Variants in ETFA observed in about 807,000 individuals in gnomAD.
ETFA encodes electron transfer flavoprotein subunit alpha.
In ETFA, 22 loss-of-function variants were observed where a neutral mutation model predicts 46.2. That is an observed-to-expected ratio of 0.48 (90% CI 0.34 to 0.68). The LOEUF (loss-of-function observed/expected upper bound fraction) is 0.68, where lower values mean the gene tolerates loss of function less well. Among genes scored for constraint, ETFA ranks in the 30% least tolerant of loss-of-function variants. The pLI, the probability that ETFA is intolerant of heterozygous loss-of-function variation, is 0.01. For missense variants in ETFA, 345 were observed against 401.1 expected, an observed-to-expected ratio of 0.86 and a Z score of 1.19; for synonymous variants, 131 against 139.9, an observed-to-expected ratio of 0.94 and a Z score of 0.45.
chr15:76,270,800 A>C (rs542735432), intron 9 of ETFA, among the ~76,000 whole-genome samples: 1 of 152,362 alleles, frequency 6.6e-6, no homozygotes, highest in Admixed American at 6.5e-5. Flanking sequence ...ATCAATAATA[A>C]TGACAACCAT....
At chr15:76,230,574 A>G (rs1330889912) in intron 10 of ETFA, 1 of 106,600 alleles carries the variant, frequency 9.4e-6, no homozygotes, top group East Asian at 2.8e-4. Flanking sequence ...CAGCCTCTCG[A>G]GTAGCTGGGA....
chr15:76,234,106 G>A (rs1404342761), intron 9 of ETFA, among the ~76,000 whole-genome samples: 3 of 152,136 alleles, frequency 2.0e-5, no homozygotes, highest in Non-Finnish European at 4.4e-5. Flanking sequence ...CTACCTTTCT[G>A]ATCACAATAA....
At chr15:76,227,732 A>C in intron 10 of ETFA, 1 of 442,426 alleles carries the variant, frequency 2.3e-6, no homozygotes, top group Admixed American at 2.4e-5. Flanking sequence ...TATGTTGTGA[A>C]AACAGCTGGT....
At chr15:76,284,327 T>TGAA (rs1365139276) in intron 7 of ETFA, 2 of 160,128 alleles carry the variant, frequency 1.2e-5, no homozygotes, top group African/African-American at 4.8e-5. Flanking sequence ...AATAAATAAG[T>TGAA]GAATAAACAA....
intron 9 of ETFA, among the ~76,000 whole-genome samples, chr15:76,249,435 ATTTTTTTTT>A (rs375408996): frequency 4.0e-4 from 30 of 74,806 alleles, no homozygotes; most frequent in African/African-American, 1.5e-3. Flanking sequence ...GTCCATGGTA[ATTTTTTTTT>A]TTTTTTTTTT....
intron 9 of ETFA, among the ~76,000 whole-genome samples, chr15:76,237,471 C>G (rs1019858891): frequency 2.6e-5 from 4 of 152,162 alleles, no homozygotes; most frequent in Admixed American, 2.0e-4. Context: ...GAAACTACTA[C>G]ATTATTCAAT....
intron 9 of ETFA, among the ~76,000 whole-genome samples, chr15:76,272,511 C>T (rs899545419): frequency 5.5e-4 from 84 of 152,140 alleles, no homozygotes; most frequent in African/African-American, 1.9e-3. Flanking sequence ...TGAGCCACTG[C>T]GCCCAGCCTG....
chr15:76,260,521 C>T, intron 9 of ETFA: 5 of 1,481,814 alleles, frequency 3.4e-6, no homozygotes, highest in Non-Finnish European at 4.7e-6. Flanking sequence ...GCACTGGAGA[C>T]ACACACACGT....
intron 9 of ETFA, among the ~76,000 whole-genome samples, chr15:76,265,827 AC>A (rs2039465409): frequency 6.6e-6 from 1 of 152,182 alleles, no homozygotes; most frequent in South Asian, 2.1e-4. Context: ...CTAGGAAAAA[AC>A]AAAAATGGCC....
chr15:76,256,443 CA>C (rs1421286806), intron 9 of ETFA, among the ~76,000 whole-genome samples: 2 of 152,078 alleles, frequency 1.3e-5, no homozygotes, highest in East Asian at 3.8e-4. Flanking sequence ...CAAGCTGAAC[CA>C]GGTACTTTTT....
chr15:76,288,920 CTTT>C (rs35295593), intron 4 of ETFA, among the ~76,000 whole-genome samples: 9 of 110,120 alleles, frequency 8.2e-5, no homozygotes, highest in African/African-American at 1.3e-4. Flanking sequence ...TCTTCTTCTT[CTTT>C]TTTTTTTTTT....
intron 9 of ETFA, among the ~76,000 whole-genome samples, chr15:76,253,949 A>G (rs1042512985): frequency 6.6e-6 from 1 of 152,222 alleles, no homozygotes; most frequent in Non-Finnish European, 1.5e-5. Context: ...TGCTGAGAAC[A>G]ACTACAAAAT....
At chr15:76,304,429 G>A (rs1308411464) in intron 1 of ETFA, among the ~76,000 whole-genome samples, 2 of 152,074 alleles carry the variant, frequency 1.3e-5, no homozygotes, top group East Asian at 3.9e-4. Flanking sequence ...CAGATACCCT[G>A]CAAACCTAAA....
chr15:76,265,838 C>G (rs2141503233), intron 9 of ETFA, among the ~76,000 whole-genome samples: 1 of 152,158 alleles, frequency 6.6e-6, no homozygotes, highest in East Asian at 1.9e-4. Context: ...CAAAAATGGC[C>G]AATCAGAACC....
intron 10 of ETFA, chr15:76,230,958 G>T (rs1207056772): frequency 9.7e-6 from 2 of 206,116 alleles, no homozygotes; most frequent in Non-Finnish European, 2.0e-5. Context: ...TACACGTTCA[G>T]AACCTCATCA....
intron 9 of ETFA, among the ~76,000 whole-genome samples, chr15:76,255,569 A>G (rs893470797): frequency 6.6e-6 from 1 of 152,232 alleles, no homozygotes; most frequent in African/African-American, 2.4e-5. Flanking sequence ...TGTAAACATG[A>G]ATATGAAGAT....
intron 10 of ETFA, chr15:76,231,016 G>T: frequency 3.6e-6 from 1 of 277,428 alleles, no homozygotes; most frequent in Non-Finnish European, 6.8e-6. Flanking sequence ...GATAGCTGAA[G>T]GGCAACTTAG....
chr15:76,272,844 T>C (rs1403295166), intron 9 of ETFA, among the ~76,000 whole-genome samples: 1 of 126,950 alleles, frequency 7.9e-6, no homozygotes, highest in Non-Finnish European at 1.7e-5. Flanking sequence ...GCATGTGTGC[T>C]AGAGCTCATT....
At chr15:76,278,449 C>A (rs930706204) in intron 8 of ETFA, among the ~76,000 whole-genome samples, 1 of 152,182 alleles carries the variant, frequency 6.6e-6, no homozygotes, top group African/African-American at 2.4e-5. Flanking sequence ...TTATATCACA[C>A]CACACTCACT....
Sources: gnomAD v4.1 joint callset for allele counts (sites outside exome capture counted in the v4.1 genomes callset) on GRCh38, gnomAD v4.1.1 for gene constraint, MANE v1.5 for transcripts, NCBI Gene and HGNC (gene_info 2026-07-23, HGNC 2026-07-21) for gene names.